TENM2: variants seen among roughly 807,000 people sequenced by gnomAD.
The protein encoded by TENM2 is teneurin transmembrane protein 2.
A neutral mutation model predicts 245.2 loss-of-function variants in TENM2; 52 were observed. That is an observed-to-expected ratio of 0.21 (90% CI 0.17 to 0.27). TENM2 has a LOEUF of 0.27. Among genes scored for constraint, TENM2 ranks in the 10% least tolerant of loss-of-function variants. The pLI, the probability that TENM2 is intolerant of heterozygous loss-of-function variation, is 1.00. For missense variants in TENM2, 3,046 were observed against 3,666.8 expected (o/e 0.83, Z 4.37); for synonymous variants, 1,363 against 1,438.9 (o/e 0.95, Z 1.19).
intron 9 of TENM2, among the ~76,000 whole-genome samples, chr5:168,099,130 G>A (rs571876165): frequency 9.8e-4 from 149 of 151,902 alleles, no homozygotes; most frequent in Admixed American, 3.3e-3. Context: ...GGCTGGTCTC[G>A]AACTCCTGAC....
At chr5:168,069,733 G>C (rs1205983877) in intron 7 of TENM2, among the ~76,000 whole-genome samples, 1 of 152,114 alleles carries the variant, frequency 6.6e-6, no homozygotes, top group Non-Finnish European at 1.5e-5. Context: ...TTTCTCTCTG[G>C]TGCTCAGTCA....
chr5:167,540,674 T>C (rs917496694), intron 2 of TENM2, among the ~76,000 whole-genome samples: 1 of 152,164 alleles, frequency 6.6e-6, no homozygotes, highest in African/African-American at 2.4e-5. Context: ...ATCTAGATGA[T>C]AGAGCAGAGC....
At chr5:167,423,510 G>A (rs183768091) in intron 2 of TENM2, among the ~76,000 whole-genome samples, 1 of 152,282 alleles carries the variant, frequency 6.6e-6, no homozygotes, top group Admixed American at 6.5e-5. Context: ...CAATTATAGT[G>A]TTTATGCAAA....
chr5:168,115,446 T>A lies in TENM2; in HGVS notation c.1814-2846T>A, dbSNP rs752372042. On this transcript the variant is annotated intron_variant, in intron 9 of 28. Coordinates refer to ENST00000518659, the Ensembl canonical transcript of TENM2. ...AAGGAAAGAAAAAAAAAGAAAAAAA[T>A]TTTATCTATATTTTTTATTGATTAA... 1.7e-4 allele frequency among the ~76,000 whole-genome samples: 25 copies of A among 148,580 alleles called. No homozygotes were observed. In the Middle Eastern group the frequency reaches 0.011, roughly 64 times the overall value.
intron 13 of TENM2, among the ~76,000 whole-genome samples, chr5:168,167,288 G>T (rs1758387997): frequency 6.6e-6 from 1 of 151,996 alleles, no homozygotes; most frequent in Admixed American, 6.6e-5. Context: ...AGAGGGTGTA[G>T]GTTTCCTCTA....
chr5:168,168,792 G>A (rs1369915547), intron 13 of TENM2, among the ~76,000 whole-genome samples: 4 of 151,922 alleles, frequency 2.6e-5, no homozygotes, highest in African/African-American at 9.7e-5. Context: ...GTTGGCTGAT[G>A]TTTGTTTCAA....
chr5:167,542,966 G>A (rs1024517986), intron 2 of TENM2, among the ~76,000 whole-genome samples: 1 of 152,154 alleles, frequency 6.6e-6, no homozygotes, highest in Non-Finnish European at 1.5e-5. Context: ...CCAAGCTTCA[G>A]TGGAGCCTGG....
At chr5:167,319,943 T>G (rs1003024159) in intron 1 of TENM2, among the ~76,000 whole-genome samples, 3 of 152,154 alleles carry the variant, frequency 2.0e-5, no homozygotes, top group Non-Finnish European at 2.9e-5. Flanking sequence ...AAATACTTAT[T>G]AAAACCTCTG....
At chr5:167,199,578 T>C in the TENM2 span, among the ~76,000 whole-genome samples, 2 of 152,120 alleles carry the variant, frequency 1.3e-5, no homozygotes, top group African/African-American at 4.8e-5. Context: ...AGTGAATGCT[T>C]ACCTTCTCCG....
At chr5:168,079,424 C>T (rs1242130088) in intron 7 of TENM2, among the ~76,000 whole-genome samples, 3 of 152,160 alleles carry the variant, frequency 2.0e-5, no homozygotes, top group Admixed American at 6.5e-5. Context: ...CCCTTTATTT[C>T]CTTCTCCTGC....
chr5:167,589,489 G>A (rs1775734778), intron 2 of TENM2, among the ~76,000 whole-genome samples: 1 of 152,024 alleles, frequency 6.6e-6, no homozygotes, highest in African/African-American at 2.4e-5. Context: ...GTACCATATT[G>A]CATCCAATGC....
At chr5:167,226,091 T>A in the TENM2 span, among the ~76,000 whole-genome samples, 2 of 151,980 alleles carry the variant, frequency 1.3e-5, no homozygotes, top group African/African-American at 4.8e-5. Flanking sequence ...ATTTTGTTTA[T>A]CTTTTCAAAA....
In TENM2 at chr5:167,445,311, T is replaced by TTATATATATATATATATATA. The variant is rs755614167; in HGVS notation, c.502+69845_502+69864dup. On this transcript the variant is annotated intron_variant, in intron 2 of 28. Transcript: ENST00000518659. ...GTCAGGCTTATTATAAACCATATGA[T>TTATATATATATATATATATA]TATATATATATATATATATATATAT... 1.0e-4 allele frequency among the ~76,000 whole-genome samples: 7 copies of TTATATATATATATATATATA among 69,984 alleles called. No homozygotes were observed. The South Asian group carries it at 2.0e-3, about 20-fold the overall frequency. The allele number at this position is 69,984 out of a possible 152,430, so 45.9% of individuals were successfully genotyped here. A position where few individuals can be genotyped will look rare whatever the true frequency, so the allele number is the denominator to read the frequency against.
intron 1 of TENM2, among the ~76,000 whole-genome samples, chr5:167,308,754 G>A (rs1485120184): frequency 6.6e-6 from 1 of 152,228 alleles, no homozygotes; most frequent in East Asian, 1.9e-4. Flanking sequence ...CTCTGCTCGT[G>A]GTGTTCTCTC....
intron 2 of TENM2, among the ~76,000 whole-genome samples, chr5:167,870,275 CTTCTA>C (rs1315924281): frequency 6.6e-6 from 1 of 152,084 alleles, no homozygotes; most frequent in African/African-American, 2.4e-5. Context: ...TCTGGGATGA[CTTCTA>C]TTGTGCATTC....
At chr5:167,930,409 A>G (rs1046172169) in intron 3 of TENM2, among the ~76,000 whole-genome samples, 7 of 151,998 alleles carry the variant, frequency 4.6e-5, no homozygotes, top group African/African-American at 1.7e-4. Context: ...TCTGTTAACA[A>G]TTGACTTATG....
intron 2 of TENM2, among the ~76,000 whole-genome samples, chr5:167,766,317 G>C (rs1763016278): frequency 6.6e-6 from 1 of 152,142 alleles, no homozygotes; most frequent in Non-Finnish European, 1.5e-5. Context: ...AGCATATCTA[G>C]CACAAAACAA....
At chr5:167,656,241 G>A (rs1449296459) in intron 2 of TENM2, among the ~76,000 whole-genome samples, 3 of 152,150 alleles carry the variant, frequency 2.0e-5, no homozygotes, top group Non-Finnish European at 4.4e-5. Context: ...TAAGGGATGG[G>A]CCATAATGGT....
At chr5:167,905,624 G>A (rs1210884487) in intron 3 of TENM2, among the ~76,000 whole-genome samples, 1 of 152,182 alleles carries the variant, frequency 6.6e-6, no homozygotes, top group Non-Finnish European at 1.5e-5. Context: ...ATGAGAAAAC[G>A]AGGGAGTCTT....
Sources: gnomAD v4.1 joint callset for allele counts (sites outside exome capture counted in the v4.1 genomes callset) on GRCh38, gnomAD v4.1.1 for gene constraint, MANE v1.5 for transcripts, NCBI Gene and HGNC (gene_info 2026-07-23, HGNC 2026-07-21) for gene names.